Variants in ANKRD12 observed in about 807,000 individuals in gnomAD.
The protein encoded by ANKRD12 is ankyrin repeat domain-containing protein 12.
ANKRD12 carries 85 observed loss-of-function variants against 183.4 expected under a neutral mutation model. The observed-to-expected ratio is 0.46, with a 90% CI of 0.39 to 0.56. ANKRD12 has a LOEUF of 0.56. ANKRD12 is among the 20% of genes least tolerant of loss of function. The probability of loss-of-function intolerance (pLI) is 0.00; values close to 1 mark genes in which losing one functional copy is unlikely to be tolerated. For missense variants in ANKRD12, 2,405 were observed against 2,357.1 expected (o/e 1.02, Z -0.42); for synonymous variants, 914 against 800.2 (o/e 1.14, Z -2.40).
At chr18:9,155,006 T>A (rs2030192446) in intron 1 of ANKRD12, among the ~76,000 whole-genome samples, 1 of 152,210 alleles carries the variant, frequency 6.6e-6, no homozygotes, top group Non-Finnish European at 1.5e-5. Flanking sequence ...TTCAAAGCCA[T>A]GAGACTGGAT....
At chr18:9,267,082 A>G (rs1380276945) in intron 10 of ANKRD12, among the ~76,000 whole-genome samples, 1 of 152,178 alleles carries the variant, frequency 6.6e-6, no homozygotes, top group Non-Finnish European at 1.5e-5. Context: ...CTAAATATAT[A>G]TGCACCCAAT....
intron 8 of ANKRD12, 116 bp downstream of exon 8, chr18:9,222,115 C>A: frequency 7.9e-7 from 1 of 1,272,574 alleles, no homozygotes. Context: ...TGCTGGCTAG[C>A]TAGAATAATG....
At chr18:9,213,489 A>G (rs1017289562) in intron 6 of ANKRD12, among the ~76,000 whole-genome samples, 5 of 151,980 alleles carry the variant, frequency 3.3e-5, no homozygotes, top group Admixed American at 6.6e-5. Context: ...AACAATCTGT[A>G]TCCTTAGTAA....
rs1205193798 is a variant in ANKRD12 at position 9,284,052 on chromosome 18, TAA to T, written c.*2927_*2928del. On this transcript the variant is annotated 3_prime_UTR_variant, in exon 13 of 13. Transcript: ENST00000262126. ...TATAAAAGTTTTGTTTATACTATATTAAGTGTGCAATAGCATTATGTCTAAAA... is the reference window on the plus strand; with the variant it reads ...TATAAAAGTTTTGTTTATACTATATTGTGTGCAATAGCATTATGTCTAAAA... 1 of 152,220 alleles carries T rather than the reference TAA, an allele frequency of 6.6e-6. No individual in the cohort carries two copies. The highest frequency in any genetic ancestry group is 6.5e-5 in the Admixed American group (1 of 15,280). 9.4% of individuals were successfully genotyped at this position (152,220 alleles called of 1,614,324 possible). A position where few individuals can be genotyped will look rare whatever the true frequency, so the allele number is the denominator to read the frequency against.
At chr18:9,170,842 A>G (rs961427674) in intron 1 of ANKRD12, among the ~76,000 whole-genome samples, 1 of 151,318 alleles carries the variant, frequency 6.6e-6, no homozygotes, top group East Asian at 1.9e-4. Flanking sequence ...GGTTTTATCT[A>G]CCTTTGGTCT....
chr18:9,157,172 T>G (rs1376370629), intron 1 of ANKRD12, among the ~76,000 whole-genome samples: 2 of 152,170 alleles, frequency 1.3e-5, no homozygotes, highest in Admixed American at 6.5e-5. Flanking sequence ...AAGTTAAAAA[T>G]GCATTAATAC....
At chr18:9,201,641 T>C (rs117662846) in intron 3 of ANKRD12, among the ~76,000 whole-genome samples, 284 of 152,270 alleles carry the variant, frequency 1.9e-3, no homozygotes, top group South Asian at 5.0e-3. Flanking sequence ...TCAAATAGCA[T>C]TGGGGGACAT....
At chr18:9,261,201 T>C (rs1248672778) in intron 9 of ANKRD12, among the ~76,000 whole-genome samples, 1 of 152,224 alleles carries the variant, frequency 6.6e-6, no homozygotes, top group East Asian at 1.9e-4. Flanking sequence ...GTCAGACCTT[T>C]CATGGTTCTC....
chr18:9,164,101 G>C (rs111690730), intron 1 of ANKRD12, among the ~76,000 whole-genome samples: 2,629 of 152,180 alleles, frequency 0.017, 84 homozygotes, highest in African/African-American at 0.06. Context: ...TCTTGTGCTG[G>C]TTTTCAAGGG....
chr18:9,178,482 T>C (rs2144120590), intron 1 of ANKRD12, among the ~76,000 whole-genome samples: 1 of 150,538 alleles, frequency 6.6e-6, no homozygotes, highest in South Asian at 2.1e-4. Flanking sequence ...TTCTGGACTT[T>C]CCGTTCTGTT....
At chr18:9,229,254 C>G (rs1302964987) in intron 8 of ANKRD12, among the ~76,000 whole-genome samples, 1 of 152,066 alleles carries the variant, frequency 6.6e-6, no homozygotes, top group East Asian at 1.9e-4. Flanking sequence ...TCTATTTGCT[C>G]AGGATTGCTT....
chr18:9,211,808 A>G (rs779622835), intron 6 of ANKRD12, 24 bp downstream of exon 6: 5 of 1,563,656 alleles, frequency 3.2e-6, no homozygotes, highest in Middle Eastern at 1.7e-4. Flanking sequence ...TTCAATACCT[A>G]CTATTCAGGC....
intron 1 of ANKRD12, among the ~76,000 whole-genome samples, chr18:9,154,744 T>G (rs756287640): frequency 4.6e-5 from 7 of 152,202 alleles, no homozygotes; most frequent in Non-Finnish European, 7.3e-5. Context: ...GAATTTAATT[T>G]GTGGTATATT....
At chr18:9,207,328 A>C in intron 4 of ANKRD12, among the ~76,000 whole-genome samples, 1 of 152,208 alleles carries the variant, frequency 6.6e-6, no homozygotes. Context: ...GAAAAAAATA[A>C]AGTTGATTTA....
chr18:9,244,906 TC>T (rs1428754478), intron 8 of ANKRD12, among the ~76,000 whole-genome samples: 1 of 152,230 alleles, frequency 6.6e-6, no homozygotes, highest in Non-Finnish European at 1.5e-5. Flanking sequence ...TAAAAATGTT[TC>T]TCCTGGGTGG....
chr18:9,254,473 G>A lies in ANKRD12; in HGVS notation c.1206G>A (p.Gln402=). ...AAAAAACTCATTTATTTGCAAAACA[G>A]GAGAAAGCCTTCTATCCTAAATCAT... ...EAEKTHLFAK[Q]EKAFYPKSFK... Residue 402 remains glutamine, a synonymous_variant, in exon 9 of 13, where the codon CAG becomes CAA. Transcript: ENST00000262126. The A allele has an allele frequency of 6.4e-7, 1 of 1,561,708 alleles. No individual in the cohort carries two copies. Among genetic ancestry groups the A allele is most frequent in the Non-Finnish European group, 8.6e-7 (1 of 1,160,130 alleles).
chr18:9,257,021 A>G lies in ANKRD12; in HGVS notation c.3754A>G (p.Ile1252Val), dbSNP rs182799987. ...CTTTTCCCAGTCACCTTTTTTGTCA[A>G]TTGCCAAATCTCCTGCTCTTCATGA... ...MSFSQSPFLSIAKSPALHERE... is the reference protein window; with the variant it reads ...MSFSQSPFLSVAKSPALHERE... Residue 1252 changes from isoleucine (I) to valine (V), a missense_variant, in exon 9 of 13, where the codon ATT becomes GTT. Ile to Val is a conservative substitution (Grantham distance 29, BLOSUM62 3). Around this residue, in one of 7 missense-constraint regions of ANKRD12, gnomAD observed 1,983 missense variants for 1,725.9 expected, o/e 1.15. Transcript: ENST00000262126. The G allele has an allele frequency of 1.2e-4, 186 of 1,614,054 alleles. No homozygotes were observed. In the East Asian group the frequency reaches 2.3e-3, roughly 20 times the overall value.
chr18:9,275,744 TAGAA>T lies in ANKRD12; in HGVS notation c.5907+82_5907+85del, dbSNP rs200820835. The T allele has an allele frequency of 7.2e-3, 9,749 of 1,349,538 alleles. 593 individuals carry two copies. In the African/African-American group the frequency reaches 0.13, roughly 17 times the overall value. 83.6% of individuals were successfully genotyped at this position (1,349,538 alleles called of 1,614,324 possible). On this transcript the variant is annotated intron_variant, in intron 11 of 12. Transcript: ENST00000262126. ...TGGCTATTTTTAGAATCTATTTCCA[TAGAA>T]AGAACTTGAACTCAACAATCATTAA...
chr18:9,271,866 A>G (rs980842240), intron 10 of ANKRD12, among the ~76,000 whole-genome samples: 1 of 152,224 alleles, frequency 6.6e-6, no homozygotes, highest in African/African-American at 2.4e-5. Flanking sequence ...TTCCAATCCA[A>G]GTTCACCGAC....
Sources: allele counts gnomAD v4.1 joint callset (sites outside exome capture counted in the v4.1 genomes callset), GRCh38; gene constraint gnomAD v4.1.1; regional missense constraint gnomAD v4.1.1; transcripts MANE v1.5; gene names NCBI Gene and HGNC (gene_info 2026-07-23, HGNC 2026-07-21).